Variants in ATP2B3 observed in about 807,000 individuals in gnomAD.
ATP2B3 encodes plasma membrane calcium-transporting ATPase 3.
Under a neutral mutation model 70.8 loss-of-function variants are expected in ATP2B3, and 12 were observed. The observed-to-expected ratio is 0.17, with a 90% CI of 0.11 to 0.27. The LOEUF (loss-of-function observed/expected upper bound fraction) is 0.27, where lower values mean the gene tolerates loss of function less well. ATP2B3 is among the 10% of genes least tolerant of loss of function. The pLI, the probability that ATP2B3 is intolerant of heterozygous loss-of-function variation, is 1.00. For synonymous variants in ATP2B3, 460 were observed against 497.8 expected, an observed-to-expected ratio of 0.92 and a Z score of 1.01; for missense variants, 858 against 1,118.5, an observed-to-expected ratio of 0.77 and a Z score of 3.32.
At chrX:153,566,089 C>A (rs1241254121) in intron 21 of ATP2B3, among the ~76,000 whole-genome samples, 1 of 112,661 alleles carries the variant, frequency 8.9e-6, no homozygotes, top group Admixed American at 9.3e-5. Context: ...CCCACCGCAG[C>A]CCCTGCAGCC....
Position 153,541,484 on chromosome X carries a change from A to C in ATP2B3, c.334A>C (p.Ile112Leu). 8.3e-7 allele frequency: 1 copy of C among 1,211,629 alleles called. No homozygotes were observed. Among genetic ancestry groups the C allele is most frequent in the Non-Finnish European group, 1.1e-6 (1 of 895,520 alleles). Residue 112 changes from isoleucine (I) to leucine (L), a missense_variant, in exon 4 of 22, where the codon ATC becomes CTC. Transcript: ENST00000263519. ...VWEALQDVTL[I>L]ILEVAAIVSL... ...GGAGGCCCTGCAGGACGTGACCCTCATCATCCTGGAGGTGGCTGCCATCGT... is the reference window on the plus strand; with the variant it reads ...GGAGGCCCTGCAGGACGTGACCCTCCTCATCCTGGAGGTGGCTGCCATCGT...
At chrX:153,530,466 C>T (rs1262549482) in intron 2 of ATP2B3, among the ~76,000 whole-genome samples, 1 of 112,651 alleles carries the variant, frequency 8.9e-6, no homozygotes, top group African/African-American at 3.2e-5. Flanking sequence ...CGGGCAACCT[C>T]CTGGGCTCCT....
In ATP2B3 at chrX:153,542,397, G is replaced by A; in HGVS notation, c.739G>A (p.Glu247Lys). 8.3e-7 allele frequency: 1 copy of A among 1,211,789 alleles called. No homozygotes were observed. The highest frequency in any genetic ancestry group is 1.1e-6 in the Non-Finnish European group (1 of 895,563). The change falls in exon 6 of 22, where the codon GAG becomes AAG. Residue 247 changes from glutamate to lysine, a missense_variant. Physicochemically the swap from Glu to Lys is moderately conservative, Grantham distance 56 (BLOSUM62 1). Coordinates refer to ENST00000263519, the MANE Select transcript of ATP2B3 (RefSeq NM_001001344.3). ...LKIDESSLTG[E>K]SDHVRKSADK... ...GATCGACGAGAGCTCCCTGACGGGC[G>A]AGTCTGACCACGTGCGCAAGTCAGC... is the stretch of plus-strand genomic sequence containing the variant.
intron 21 of ATP2B3, among the ~76,000 whole-genome samples, chrX:153,568,515 G>A (rs1239952972): frequency 1.8e-5 from 2 of 111,400 alleles, no homozygotes; most frequent in African/African-American, 3.3e-5. Flanking sequence ...CCACCGCGAC[G>A]CCATCACATC....
rs782426937 is a variant in ATP2B3 at position 153,547,837 on chromosome X, A to G, written c.961A>G (p.Lys321Glu). 2 of 1,190,330 alleles carry G rather than the reference A, an allele frequency of 1.7e-6. No homozygotes were observed. The highest frequency in any genetic ancestry group is 3.5e-5 in the African/African-American group (2 of 56,799). ...GAMESSQTKAKKQDGAVAMEM... is the reference protein window; with the variant it reads ...GAMESSQTKAEKQDGAVAMEM... ...CCATGGGGTTCCTCTGTGTGCAGCT[A>G]AGAAGCAGGATGGTGCAGTGGCCAT... is the stretch of plus-strand genomic sequence containing the variant. The change falls in exon 9 of 22, where the codon AAG becomes GAG. Residue 321 changes from lysine (K) to glutamate (E), a missense_variant and splice_region_variant. By Grantham distance (56) the Lys-to-Glu change is moderately conservative (BLOSUM62 1). This residue lies in a region of ATP2B3 where 278 missense variants were observed against 366.2 expected (regional missense o/e 0.76). Transcript: ENST00000263519.
rs782200308 is a variant in ATP2B3, at chrX:153,541,370, A to G, written c.220A>G (p.Asn74Asp). Residue 74 changes from asparagine to aspartate, a missense_variant, in exon 4 of 22, where the codon AAC (asparagine) becomes GAC (aspartate). Coordinates refer to ENST00000263519, the MANE Select transcript of ATP2B3 (RefSeq NM_001001344.3). ...GGGGCACCATGCAGGCCTGGCGGAC[A>G]ACACCAATGACCTGGAGAAGCGCAG... ...KTSPTEGLAD[N>D]TNDLEKRRQI... 1 of 1,211,920 alleles carries G rather than the reference A, an allele frequency of 8.3e-7. No individual in the cohort carries two copies. The highest frequency in any genetic ancestry group is 1.1e-6 in the Non-Finnish European group (1 of 895,573).
In ATP2B3 at chrX:153,536,772, GA is replaced by G. The variant is rs1422144126; in HGVS notation, c.208+318del. Among the ~76,000 whole-genome samples, 4 of 112,609 alleles carry G rather than the reference GA, an allele frequency of 3.6e-5. No individual in the cohort carries two copies. In the East Asian group the frequency reaches 8.4e-4, roughly 24 times the overall value. ...GAGGAACAGGGCAGGGCAGGGCAGG[GA>G]GGAGGAAGACAGCCCCATCTGTATA... On this transcript the variant is annotated intron_variant, in intron 3 of 21. Coordinates refer to ENST00000263519, the MANE Select transcript of ATP2B3 (RefSeq NM_001001344.3).
intron 2 of ATP2B3, among the ~76,000 whole-genome samples, chrX:153,526,889 G>A (rs1215456188): frequency 8.9e-6 from 1 of 112,155 alleles, no homozygotes; most frequent in Non-Finnish European, 1.9e-5. Context: ...GTACTCCCAA[G>A]GACTTTGGCC....
intron 6 of ATP2B3, among the ~76,000 whole-genome samples, 180 bp downstream of exon 6, chrX:153,542,628 A>G (rs1557007174): frequency 1.8e-5 from 2 of 112,989 alleles, no homozygotes; most frequent in Non-Finnish European, 3.8e-5. Context: ...TGGCAGCTCC[A>G]GCCACAGGGC....
At chrX:153,561,779 G>A (rs1557016375) in intron 19 of ATP2B3, among the ~76,000 whole-genome samples, 1 of 112,901 alleles carries the variant, frequency 8.9e-6, no homozygotes, top group African/African-American at 3.2e-5. Flanking sequence ...GCCTCCCGAG[G>A]AGGCAGGAGG....
In ATP2B3 at chrX:153,560,548, G is replaced by A. The variant is rs188773105; in HGVS notation, c.2840-128G>A. On this transcript the variant is annotated intron_variant, in intron 18 of 21. Coordinates refer to ENST00000263519, the MANE Select transcript of ATP2B3 (RefSeq NM_001001344.3). ...GGTGTGGCTGCCTTGGGCCTTGGCC[G>A]TGAGCTGGAAGTGGCCATCCCCTGG... The A allele has an allele frequency of 2.8e-3, 2,172 of 769,775 alleles. 33 individuals are homozygous for A. The African/African-American group carries it at 0.033, about 12-fold the overall frequency. 63.4% of individuals were successfully genotyped at this position (769,775 alleles called of 1,213,427 possible). A position where few individuals can be genotyped will look rare whatever the true frequency, so the allele number is the denominator to read the frequency against.
chrX:153,558,524 G>C (rs2090576501), intron 17 of ATP2B3, among the ~76,000 whole-genome samples: 1 of 112,528 alleles, frequency 8.9e-6, no homozygotes, highest in Admixed American at 9.4e-5. Flanking sequence ...AGTTCCAGAA[G>C]ATTGTCATCA....
intron 21 of ATP2B3, among the ~76,000 whole-genome samples, chrX:153,571,062 C>T (rs782803989): frequency 9.2e-6 from 1 of 108,662 alleles, no homozygotes; most frequent in African/African-American, 3.3e-5. Context: ...CCACAGGCCA[C>T]GTACACCTCC....
At chrX:153,539,279 G>A (rs1240099507) in intron 3 of ATP2B3, among the ~76,000 whole-genome samples, 1 of 112,337 alleles carries the variant, frequency 8.9e-6, no homozygotes, top group Non-Finnish European at 1.9e-5. Flanking sequence ...CCAGGCTCCC[G>A]ATTGGGGCAG....
At chrX:153,549,806 G>A in intron 11 of ATP2B3, 67 bp downstream of exon 11, 15 of 1,147,047 alleles carry the variant, frequency 1.3e-5, no homozygotes, top group Non-Finnish European at 1.7e-5. Context: ...TGGCCAGGGT[G>A]CCAGGTGAGC....
intron 3 of ATP2B3, among the ~76,000 whole-genome samples, chrX:153,540,334 C>T (rs2090260936): frequency 8.9e-6 from 1 of 112,427 alleles, no homozygotes; most frequent in Admixed American, 9.3e-5. Context: ...TCCCTCAGCA[C>T]CGTGACTCCG....
At chrX:153,565,851 G>A (rs1034577971) in intron 21 of ATP2B3, among the ~76,000 whole-genome samples, 2 of 112,440 alleles carry the variant, frequency 1.8e-5, no homozygotes, top group Non-Finnish European at 3.8e-5. Context: ...CAGAAACGGC[G>A]CTCGCCTAGG....
chrX:153,520,818 G>A (rs1213977510), intron 2 of ATP2B3, among the ~76,000 whole-genome samples: 2 of 112,332 alleles, frequency 1.8e-5, no homozygotes, highest in Admixed American at 9.4e-5. Flanking sequence ...AGTGTGGTTC[G>A]TGTGAACTCA....
chrX:153,532,880 C>T (rs1557002437), intron 2 of ATP2B3: 2 of 111,925 alleles, frequency 1.8e-5, no homozygotes, highest in Non-Finnish European at 3.8e-5. Context: ...AGGCCACCGC[C>T]CAGGCTTATA....
Sources: gnomAD v4.1 joint callset for allele counts (sites outside exome capture counted in the v4.1 genomes callset) on GRCh38, gnomAD v4.1.1 for gene constraint, gnomAD v4.1.1 regional missense constraint, MANE v1.5 for transcripts, NCBI Gene and HGNC (gene_info 2026-07-23, HGNC 2026-07-21) for gene names.